The following ESRP1 variants were observed in gnomAD, a reference collection of about 807,000 sequenced individuals.
ESRP1 encodes the protein RNA-binding motif protein 35A.
Under a neutral mutation model 81.7 loss-of-function variants are expected in ESRP1, and 33 were observed. The ratio of observed to expected loss-of-function variants is 0.40; its 90% CI spans 0.31 to 0.54. ESRP1 has a LOEUF of 0.54. Among genes scored for constraint, ESRP1 ranks in the 20% least tolerant of loss-of-function variants. The pLI, the probability that ESRP1 is intolerant of heterozygous loss-of-function variation, is 0.41. For missense variants in ESRP1, 672 were observed against 833.1 expected (o/e 0.81, Z 2.38); for synonymous variants, 320 against 303.3 (o/e 1.06, Z -0.57).
Position 94,642,592 on chromosome 8 carries a change from C to G in ESRP1, c.261+508C>G, listed in dbSNP as rs1817668356. Reference sequence around the variant, plus strand: ...TGAACTCCCAACGAAAGGCTCGGTCCGTCATTATTTCTTTAGTGGCCTTGG... The same window carrying G: ...TGAACTCCCAACGAAAGGCTCGGTCGGTCATTATTTCTTTAGTGGCCTTGG... On this transcript the variant is annotated intron_variant, in intron 2 of 15. Coordinates refer to ENST00000433389, the MANE Select transcript of ESRP1 (RefSeq NM_017697.4). Among the ~76,000 whole-genome samples the G allele has an allele frequency of 2.0e-5, 3 of 152,124 alleles. No homozygotes were observed. In the South Asian group the frequency reaches 6.2e-4, roughly 32 times the overall value.
At chr8:94,704,754 C>T (rs1809988891) in intron 15 of ESRP1, among the ~76,000 whole-genome samples, 1 of 122,170 alleles carries the variant, frequency 8.2e-6, no homozygotes, top group Admixed American at 9.4e-5. Flanking sequence ...ATGCAAGGCA[C>T]CATCTCTTTT....
intron 4 of ESRP1, among the ~76,000 whole-genome samples, chr8:94,656,558 C>T (rs1241546190): frequency 6.6e-6 from 1 of 152,244 alleles, no homozygotes; most frequent in Non-Finnish European, 1.5e-5. Flanking sequence ...ATCTCTATCA[C>T]ATGATTTTAG....
chr8:94,680,489 G>A (rs1031322908), intron 13 of ESRP1, among the ~76,000 whole-genome samples: 1 of 152,000 alleles, frequency 6.6e-6, no homozygotes, highest in African/African-American at 2.4e-5. Flanking sequence ...GTGCAATGGC[G>A]TGATCTTGTC....
At chr8:94,646,687 C>T (rs1350582541) in intron 4 of ESRP1, among the ~76,000 whole-genome samples, 2 of 151,978 alleles carry the variant, frequency 1.3e-5, no homozygotes, top group Non-Finnish European at 2.9e-5. Context: ...TGGATATATC[C>T]CCTTTACAAA....
intron 15 of ESRP1, among the ~76,000 whole-genome samples, chr8:94,703,147 T>C (rs1400491610): frequency 7.3e-6 from 1 of 136,672 alleles, no homozygotes; most frequent in East Asian, 2.1e-4. Context: ...GAGTCTGCAG[T>C]TTCTTTTTGT....
intron 10 of ESRP1, among the ~76,000 whole-genome samples, chr8:94,670,938 G>A (rs1046942689): frequency 3.3e-5 from 5 of 152,084 alleles, no homozygotes; most frequent in Admixed American, 6.5e-5. Context: ...CAAAGTGATT[G>A]TTTGGCCTGT....
chr8:94,647,997 A>G (rs559728710), intron 4 of ESRP1, among the ~76,000 whole-genome samples: 1 of 152,342 alleles, frequency 6.6e-6, no homozygotes, highest in Admixed American at 6.5e-5. Flanking sequence ...AAAATGAAAT[A>G]AAAATATTTT....
chr8:94,704,796 G>A (rs943918323), intron 15 of ESRP1, among the ~76,000 whole-genome samples: 8 of 119,560 alleles, frequency 6.7e-5, no homozygotes, highest in African/African-American at 1.6e-4. Flanking sequence ...AAAAAAAACT[G>A]CAGTGAGCTA....
At chr8:94,702,226 C>T (rs73695576) in intron 15 of ESRP1, among the ~76,000 whole-genome samples, 3,092 of 152,204 alleles carry the variant, frequency 0.02, 97 homozygotes, top group African/African-American at 0.069. Flanking sequence ...GTACTTAGAT[C>T]AGTGTTATCT....
chr8:94,666,651 A>G (rs1038737168), intron 9 of ESRP1, among the ~76,000 whole-genome samples: 25 of 152,284 alleles, frequency 1.6e-4, no homozygotes, highest in Non-Finnish European at 3.5e-4. Context: ...CTATTAACAC[A>G]ATCTGCTGGT....
At chr8:94,673,487 AC>A (rs1819434093) in intron 11 of ESRP1, among the ~76,000 whole-genome samples, 1 of 152,174 alleles carries the variant, frequency 6.6e-6, no homozygotes, top group Non-Finnish European at 1.5e-5. Flanking sequence ...TATTGAGAAA[AC>A]CATAAAATAA....
At chr8:94,682,928 ATATATTTTTTTTTTTTT>A (rs1808971038) in intron 13 of ESRP1, among the ~76,000 whole-genome samples, 1 of 31,572 alleles carries the variant, frequency 3.2e-5, no homozygotes, top group African/African-American at 2.2e-4. Context: ...ATATATATAT[ATATATTTTTTTTTTTTT>A]TTTTTTTTTT....
At chr8:94,642,387 G>A (rs910824296) in intron 2 of ESRP1, among the ~76,000 whole-genome samples, 17 of 152,234 alleles carry the variant, frequency 1.1e-4, no homozygotes, top group African/African-American at 4.1e-4. Context: ...TGCGGAGTTT[G>A]AATCCTAGCG....
At chr8:94,698,393 T>G (rs1338095771) in intron 15 of ESRP1, among the ~76,000 whole-genome samples, 1 of 150,298 alleles carries the variant, frequency 6.7e-6, no homozygotes. Context: ...CTTAGCATTA[T>G]GTGTTTAAGT....
rs77949676 is a variant in ESRP1 at position 94,675,506 on chromosome 8, T to C, written c.1651+1000T>C. Among the ~76,000 whole-genome samples the C allele has an allele frequency of 8.8e-3, 1,334 of 152,316 alleles. 15 individuals carry two copies. The highest frequency in any genetic ancestry group is 0.044 in the Middle Eastern group (13 of 294). On this transcript the variant is annotated intron_variant, in intron 12 of 15. Coordinates refer to ENST00000433389, the MANE Select transcript of ESRP1 (RefSeq NM_017697.4). The stretch of plus-strand genomic sequence containing the variant: ...TGAATTTCTAAATGCTAATATTCCA[T>C]TTACCTGCTGCTTGCTGTTGGTGAA...
At chr8:94,681,198 T>G (rs183141502) in intron 13 of ESRP1, among the ~76,000 whole-genome samples, 10 of 151,260 alleles carry the variant, frequency 6.6e-5, no homozygotes, top group Admixed American at 6.6e-4. Context: ...TGGTGATGGG[T>G]GCCTATAGTC....
At chr8:94,700,585 C>T (rs1311081685) in intron 15 of ESRP1, among the ~76,000 whole-genome samples, 2 of 152,188 alleles carry the variant, frequency 1.3e-5, no homozygotes, top group African/African-American at 4.8e-5. Context: ...TATTTTATGC[C>T]ACCCAATTTA....
intron 4 of ESRP1, among the ~76,000 whole-genome samples, chr8:94,657,465 C>CTGTGTGCG (rs1818482472): frequency 1.0e-5 from 1 of 97,876 alleles, no homozygotes; most frequent in African/African-American, 3.8e-5. Context: ...CCTATTGAGG[C>CTGTGTGCG]TGTGTGCGTG....
chr8:94,694,132 T>C (rs73695520), intron 14 of ESRP1, among the ~76,000 whole-genome samples: 3,089 of 152,312 alleles, frequency 0.02, 96 homozygotes, highest in African/African-American at 0.069. Flanking sequence ...ACTTGTGTAT[T>C]TTATTTTTTC....
Sources: allele counts gnomAD v4.1 joint callset (sites outside exome capture counted in the v4.1 genomes callset), GRCh38; gene constraint gnomAD v4.1.1; transcripts MANE v1.5; gene names NCBI Gene and HGNC (gene_info 2026-07-23, HGNC 2026-07-21).